The following CNTNAP4 variants were observed in gnomAD, a reference collection of about 807,000 sequenced individuals.
CNTNAP4 encodes contactin associated protein family member 4, also known as contactin-associated protein-like 4.
CNTNAP4 carries 98 observed loss-of-function variants against 148.4 expected under a neutral mutation model. The ratio of observed to expected loss-of-function variants is 0.66; its 90% CI spans 0.56 to 0.78. The LOEUF is 0.78. Among genes scored for constraint, CNTNAP4 ranks in the 30% least tolerant of loss-of-function variants. The probability of loss-of-function intolerance (pLI) is 0.00; values close to 1 mark genes in which losing one functional copy is unlikely to be tolerated. For synonymous variants in CNTNAP4, 730 were observed against 565.1 expected (o/e 1.29, Z -4.14); for missense variants, 1,935 against 1,565.6 (o/e 1.24, Z -3.98).
At chr16:76,418,138 G>A (rs2079051882) in intron 3 of CNTNAP4, among the ~76,000 whole-genome samples, 1 of 151,444 alleles carries the variant, frequency 6.6e-6, no homozygotes, top group South Asian at 2.1e-4. Context: ...TGGATCTACA[G>A]TTCAGTGTCT....
chr16:76,354,519 A>G (rs1205298943), intron 2 of CNTNAP4, among the ~76,000 whole-genome samples: 3 of 152,176 alleles, frequency 2.0e-5, no homozygotes, highest in African/African-American at 4.8e-5. Flanking sequence ...GGATAGAAAC[A>G]GTGGTGTGTT....
intron 3 of CNTNAP4, among the ~76,000 whole-genome samples, chr16:76,388,294 G>T (rs1307316743): frequency 6.6e-6 from 1 of 152,212 alleles, no homozygotes; most frequent in South Asian, 2.1e-4. Flanking sequence ...CTCAGAGGAA[G>T]TCAGTGTTTT....
rs1022923969 is a variant in CNTNAP4, at chr16:76,452,755, G to A, written c.1319G>A (p.Ser440Asn). Residue 440 changes from serine (S) to asparagine (N), a missense_variant, in exon 8 of 24, where the codon AGT becomes AAT. Physicochemically the swap from Ser to Asn is conservative, Grantham distance 46. Coordinates refer to ENST00000611870, the MANE Select transcript of CNTNAP4 (RefSeq NM_033401.5). ...CTCTACCAGCCAGGAAAATTACCCA[G>A]TGACATCACAGCAGGTAATAAATGT... ...SNLYQPGKLPSDITAGVELND... is the reference protein window; with the variant it reads ...SNLYQPGKLPNDITAGVELND... 3 of 1,591,458 alleles carry A rather than the reference G, an allele frequency of 1.9e-6. No individual in the cohort carries two copies. The highest frequency in any genetic ancestry group is 2.2e-5 in the East Asian group (1 of 44,516).
At chr16:76,530,700 C>A (rs150452822) in intron 17 of CNTNAP4, among the ~76,000 whole-genome samples, 5 of 152,296 alleles carry the variant, frequency 3.3e-5, no homozygotes, top group African/African-American at 1.2e-4. Context: ...CAACAGCTGC[C>A]TCTTTGAACC....
At chr16:76,292,845 A>G (rs1959166262) in intron 1 of CNTNAP4, among the ~76,000 whole-genome samples, 1 of 152,246 alleles carries the variant, frequency 6.6e-6, no homozygotes, top group South Asian at 2.1e-4. Context: ...AAAACACTTC[A>G]GATTTAGAAT....
intron 3 of CNTNAP4, among the ~76,000 whole-genome samples, chr16:76,371,186 A>T (rs952766387): frequency 1.3e-5 from 2 of 152,242 alleles, no homozygotes; most frequent in Non-Finnish European, 2.9e-5. Context: ...AACATCTTAC[A>T]GATGATCAAA....
intron 1 of CNTNAP4, among the ~76,000 whole-genome samples, chr16:76,281,649 G>A (rs561074686): frequency 6.6e-6 from 1 of 151,942 alleles, no homozygotes; most frequent in Non-Finnish European, 1.5e-5. Context: ...TTTTGTTAAA[G>A]AAAATAGATT....
intron 8 of CNTNAP4, among the ~76,000 whole-genome samples, chr16:76,461,387 T>C (rs1454004080): frequency 6.6e-6 from 1 of 152,160 alleles, no homozygotes; most frequent in Non-Finnish European, 1.5e-5. Context: ...ACAAGTAAGT[T>C]CTAATAAGGA....
intron 3 of CNTNAP4, among the ~76,000 whole-genome samples, chr16:76,389,142 T>C (rs552780530): frequency 3.6e-4 from 55 of 152,290 alleles, no homozygotes; most frequent in African/African-American, 1.3e-3. Context: ...TGCTATATGT[T>C]AGAGAAACTC....
chr16:76,359,180 TTTTTG>T (rs146146840), intron 3 of CNTNAP4, among the ~76,000 whole-genome samples: 1,762 of 152,318 alleles, frequency 0.012, 27 homozygotes, highest in African/African-American at 0.04. Context: ...ATTTCCCAAC[TTTTTG>T]TTTTCTGGCT....
At chr16:76,439,722 C>G (rs369695542) in intron 4 of CNTNAP4, among the ~76,000 whole-genome samples, 1 of 152,084 alleles carries the variant, frequency 6.6e-6, no homozygotes, top group African/African-American at 2.4e-5. Flanking sequence ...ATAAGGGCAC[C>G]TTTTCCCTGT....
chr16:76,406,895 G>A (rs769255100), intron 3 of CNTNAP4, among the ~76,000 whole-genome samples: 25 of 152,188 alleles, frequency 1.6e-4, no homozygotes, highest in Non-Finnish European at 2.5e-4. Flanking sequence ...TTAGGATGAA[G>A]CTGCAGTAAG....
intron 10 of CNTNAP4, among the ~76,000 whole-genome samples, chr16:76,474,376 G>T (rs1382476313): frequency 6.6e-6 from 1 of 152,182 alleles, no homozygotes; most frequent in African/African-American, 2.4e-5. Flanking sequence ...CTAAGATAAG[G>T]CAGGTCAAGG....
In CNTNAP4 at chr16:76,473,124, T is replaced by G. The variant is rs375970633; in HGVS notation, c.1656-2815T>G. 7.0e-4 allele frequency among the ~76,000 whole-genome samples: 107 copies of G among 152,324 alleles called. 1 individual carries two copies. The highest frequency in any genetic ancestry group is 2.5e-3 in the African/African-American group (102 of 41,580). ...CACATTGTCATTGATTTGAAATGCT[T>G]AAAATTAAATAAATCCTGACACATT... On this transcript the variant is annotated intron_variant, in intron 10 of 23. Transcript: ENST00000611870.
intron 1 of CNTNAP4, among the ~76,000 whole-genome samples, chr16:76,304,548 C>T (rs112570688): frequency 2.4e-4 from 37 of 152,122 alleles, no homozygotes; most frequent in Non-Finnish European, 5.0e-4. Context: ...CAGCTTTGTG[C>T]ATTGAAGGGA....
intron 17 of CNTNAP4, among the ~76,000 whole-genome samples, chr16:76,533,350 G>A (rs1202464159): frequency 6.6e-6 from 1 of 152,024 alleles, no homozygotes; most frequent in Non-Finnish European, 1.5e-5. Flanking sequence ...TACAGGGAAG[G>A]GGCACAGAGA....
At chr16:76,304,661 ATG>A (rs1885187203) in intron 1 of CNTNAP4, among the ~76,000 whole-genome samples, 1 of 152,198 alleles carries the variant, frequency 6.6e-6, no homozygotes, top group Non-Finnish European at 1.5e-5. Flanking sequence ...CTCTCTCAGA[ATG>A]TGAGGTCTCA....
At chr16:76,555,597 G>C (rs889297089) in intron 23 of CNTNAP4, among the ~76,000 whole-genome samples, 3 of 152,134 alleles carry the variant, frequency 2.0e-5, no homozygotes, top group African/African-American at 7.2e-5. Flanking sequence ...ATATAGAGTG[G>C]TATATAGTCA....
At chr16:76,367,287 G>A (rs12924751) in intron 3 of CNTNAP4, among the ~76,000 whole-genome samples, 67,813 of 151,580 alleles carry the variant, frequency 0.45, 15,456 homozygotes, top group Admixed American at 0.53. Context: ...ATATTTAAAA[G>A]TAATACAGAT....
Sources: allele counts gnomAD v4.1 joint callset (sites outside exome capture counted in the v4.1 genomes callset), GRCh38; gene constraint gnomAD v4.1.1; transcripts MANE v1.5; gene names NCBI Gene and HGNC (gene_info 2026-07-23, HGNC 2026-07-21).